Variants in HYDIN observed in about 807,000 individuals in gnomAD.
HYDIN encodes HYDIN axonemal central pair apparatus protein.
Under a neutral mutation model 403.9 loss-of-function variants are expected in HYDIN, and 132 were observed. That is an observed-to-expected ratio of 0.33 (90% CI 0.28 to 0.38). HYDIN has a LOEUF of 0.38. HYDIN is among the 10% of genes least tolerant of loss of function. The pLI, the probability that HYDIN is intolerant of heterozygous loss-of-function variation, is 1.00. For missense variants in HYDIN, 2,827 were observed against 5,009.5 expected (o/e 0.56, Z 13.15); for synonymous variants, 1,202 against 1,891.7 (o/e 0.64, Z 9.46).
At chr16:71,024,281 C>A (rs2080607849) in intron 21 of HYDIN, among the ~76,000 whole-genome samples, 1 of 152,188 alleles carries the variant, frequency 6.6e-6, no homozygotes, top group South Asian at 2.1e-4. Flanking sequence ...TCCAAGGTGG[C>A]CTTTCCTAAC....
intron 30 of HYDIN, 48 bp downstream of exon 30, chr16:70,978,866 G>A (rs75198555): frequency 1.1e-5 from 16 of 1,511,126 alleles, no homozygotes; most frequent in South Asian, 2.4e-5. Context: ...CACTCTGCAC[G>A]CACCACCCTC....
At chr16:71,129,550 G>A (rs1252680385) in intron 9 of HYDIN, 90 bp downstream of exon 9, 78 of 1,304,524 alleles carry the variant, frequency 6.0e-5, no homozygotes, top group East Asian at 1.7e-4. Context: ...GCAACTCACC[G>A]TCTCAATCCC....
intron 74 of HYDIN, 124 bp downstream of exon 74, chr16:70,850,324 T>G: frequency 1.1e-6 from 1 of 926,096 alleles, no homozygotes; most frequent in Non-Finnish European, 1.6e-6. Flanking sequence ...GCTCTTGCAG[T>G]GTTTCTGTTT....
At chr16:71,039,621 G>T (rs2081215241) in intron 18 of HYDIN, among the ~76,000 whole-genome samples, 1 of 152,140 alleles carries the variant, frequency 6.6e-6, no homozygotes, top group Non-Finnish European at 1.5e-5. Context: ...TTACAGAGGG[G>T]ACACTTTGAT....
At chr16:71,048,962 C>T (rs1421154701) in intron 18 of HYDIN, among the ~76,000 whole-genome samples, 2 of 152,134 alleles carry the variant, frequency 1.3e-5, no homozygotes, top group Non-Finnish European at 2.9e-5. Context: ...ACCCAAAACA[C>T]TAAAAAGTAG....
rs202216191 is a variant in HYDIN, at chr16:70,874,857, C to T, written c.10620G>A (p.Ala3540=). 548 of 1,613,262 alleles carry T rather than the reference C, an allele frequency of 3.4e-4. No homozygotes were observed. Among genetic ancestry groups the T allele is most frequent in the Non-Finnish European group, 4.2e-4 (494 of 1,179,752 alleles). ...TATTTTCCTCTGTGATGTAGATATACGCGGTGGTGGGCCTCCCTTTCAGGG... is the reference window on the plus strand; with the variant it reads ...TATTTTCCTCTGTGATGTAGATATATGCGGTGGTGGGCCTCCCTTTCAGGG... ...VFSLKGRPTT[A]YIYITEENKP... The change falls in exon 63 of 86, where the codon GCG becomes GCA. Residue 3540 remains alanine, a synonymous_variant. Transcript: ENST00000393567.
intron 4 of HYDIN, among the ~76,000 whole-genome samples, chr16:71,178,478 C>CAT (rs898985103): frequency 5.1e-4 from 73 of 143,346 alleles, no homozygotes; most frequent in Admixed American, 1.6e-3. Flanking sequence ...CACACACATA[C>CAT]ATATATATAT....
intron 18 of HYDIN, among the ~76,000 whole-genome samples, chr16:71,059,830 G>C (rs1324311539): frequency 6.6e-6 from 1 of 152,128 alleles, no homozygotes; most frequent in African/African-American, 2.4e-5. Context: ...ATGGGGGTTT[G>C]GTGTCCCTAA....
At chr16:70,971,513 G>GGGCAGAGTAA (rs2078732714) in intron 35 of HYDIN, among the ~76,000 whole-genome samples, 1 of 151,926 alleles carries the variant, frequency 6.6e-6, no homozygotes, top group African/African-American at 2.4e-5. Flanking sequence ...GACTCTGTAG[G>GGGCAGAGTAA]GGCAGAGTAA....
chr16:70,837,677 G>A lies in HYDIN; in HGVS notation c.13242+13C>T, dbSNP rs772923277. The A allele has an allele frequency of 3.1e-6, 5 of 1,613,676 alleles. No individual in the cohort carries two copies. The highest frequency in any genetic ancestry group is 1.1e-5 in the South Asian group (1 of 90,944). On this transcript the variant is annotated intron_variant, in intron 77 of 85. Transcript: ENST00000393567. Reference sequence around the variant, plus strand: ...AGGGTGCCACGCCTGAAGGCCTCCCGACTGTCTGTTACCTTCATTTTGGTA... The same window carrying A: ...AGGGTGCCACGCCTGAAGGCCTCCCAACTGTCTGTTACCTTCATTTTGGTA...
At chr16:71,215,954 T>C (rs1172645192) in intron 1 of HYDIN, among the ~76,000 whole-genome samples, 1 of 152,112 alleles carries the variant, frequency 6.6e-6, no homozygotes, top group Non-Finnish European at 1.5e-5. Context: ...ATAGGCAAAA[T>C]CTGAGTCTGA....
At position 70,900,914 on chromosome 16, in the gene HYDIN, C is replaced by CTGTG. The variant is rs58190033; in HGVS notation, c.9048+86_9048+89dup. The CTGTG allele has an allele frequency of 2.2e-3, 831 of 381,518 alleles. 2 individuals are homozygous for CTGTG. The highest frequency in any genetic ancestry group is 8.3e-3 in the African/African-American group (204 of 24,596). The allele number at this position is 381,518 out of a possible 1,614,324, so 23.6% of individuals were successfully genotyped here. A position where few individuals can be genotyped will look rare whatever the true frequency, so the allele number is the denominator to read the frequency against. On this transcript the variant is annotated intron_variant, in intron 53 of 85. Coordinates refer to ENST00000393567, the MANE Select transcript of HYDIN (RefSeq NM_001270974.2). ...ATAGGAGCATGTAACAGGGAGACCTCTGTGTGTGTGTGTGTGTGTGTGTGT... is the reference window on the plus strand; with the variant it reads ...ATAGGAGCATGTAACAGGGAGACCTCTGTGTGTGTGTGTGTGTGTGTGTGTGTGT...
intron 1 of HYDIN, among the ~76,000 whole-genome samples, chr16:71,188,436 G>C (rs1179066965): frequency 6.6e-6 from 1 of 152,086 alleles, no homozygotes; most frequent in Non-Finnish European, 1.5e-5. Context: ...ATCACAGCTG[G>C]GTAGTGACAA....
At chr16:71,150,829 T>C (rs1196126907) in intron 7 of HYDIN, among the ~76,000 whole-genome samples, 1 of 152,204 alleles carries the variant, frequency 6.6e-6, no homozygotes, top group African/African-American at 2.4e-5. Context: ...GACTAGTATT[T>C]AGAATACTGA....
chr16:71,040,584 T>C (rs1223219689), intron 18 of HYDIN, among the ~76,000 whole-genome samples: 2 of 126,948 alleles, frequency 1.6e-5, no homozygotes, highest in Non-Finnish European at 3.3e-5. Context: ...TCACTTTTTA[T>C]ATCTGGGGAA....
At chr16:70,991,186 G>A in intron 25 of HYDIN, 132 bp downstream of exon 25, 2 of 1,139,328 alleles carry the variant, frequency 1.8e-6, no homozygotes, top group Non-Finnish European at 2.5e-6. Context: ...GGGAAGAAAT[G>A]TGGGTAAAGC....
chr16:71,133,197 A>T (rs2084781470), intron 8 of HYDIN: 2 of 445,044 alleles, frequency 4.5e-6, no homozygotes, highest in African/African-American at 2.0e-5. Flanking sequence ...AATGCTGAGG[A>T]GATTAAAAAC....
chr16:70,843,519 T>C (rs2037983814), intron 75 of HYDIN, among the ~76,000 whole-genome samples: 1 of 140,776 alleles, frequency 7.1e-6, no homozygotes, highest in African/African-American at 3.0e-5. Flanking sequence ...GCGTGTGTCT[T>C]TATAGCAGCA....
chr16:70,818,480 C>T lies in HYDIN; in HGVS notation c.14520G>A (p.Met4840Ile), dbSNP rs1304337830. 5 of 1,502,940 alleles carry T rather than the reference C, an allele frequency of 3.3e-6. No individual in the cohort carries two copies. The Admixed American group carries it at 9.1e-5, about 27-fold the overall frequency. The allele number at this position is 1,502,940 out of a possible 1,614,324, so 93.1% of individuals were successfully genotyped here. A position where few individuals can be genotyped will look rare whatever the true frequency, so the allele number is the denominator to read the frequency against. ...IPSGIIKTIE[M>I]VTPVRQVASA... ...ACGCAACTTGCCGGACTGGGGTCAC[C>T]ATCTCGATGGTTTTGATGATGCCTG... The change falls in exon 84 of 86, where the codon ATG (methionine) becomes ATA (isoleucine). Residue 4840 changes from methionine (M) to isoleucine (I), a missense_variant. Transcript: ENST00000393567.
Sources: allele counts gnomAD v4.1 joint callset (sites outside exome capture counted in the v4.1 genomes callset), GRCh38; gene constraint gnomAD v4.1.1; transcripts MANE v1.5; gene names NCBI Gene and HGNC (gene_info 2026-07-23, HGNC 2026-07-21).